Variants in EPHA10 observed in about 807,000 individuals in gnomAD.
EPHA10 encodes the protein EPH receptor A10, also known as ephrin type-A receptor 10.
Under a neutral mutation model 109.7 loss-of-function variants are expected in EPHA10, and 120 were observed. The observed-to-expected ratio is 1.09, with a 90% confidence interval of 0.94 to 1.27. The LOEUF (loss-of-function observed/expected upper bound fraction) is 1.27, where lower values mean the gene tolerates loss of function less well. EPHA10 is among the 50% of genes most tolerant of loss of function. The probability of loss-of-function intolerance (pLI) is 0.00; values close to 1 mark genes in which losing one functional copy is unlikely to be tolerated. For synonymous variants in EPHA10, 640 were observed against 618.9 expected (o/e 1.03, Z -0.51); for missense variants, 1,396 against 1,411.1 (o/e 0.99, Z 0.17).
At chr1:37,759,981 GC>G in intron 3 of EPHA10, among the ~76,000 whole-genome samples, 1 of 152,246 alleles carries the variant, frequency 6.6e-6, no homozygotes, top group East Asian at 1.9e-4. Flanking sequence ...TACAATTTCC[GC>G]AGGGAGGAGA....
chr1:37,730,592 T>C (rs1569669454), intron 7 of EPHA10, among the ~76,000 whole-genome samples: 1 of 152,182 alleles, frequency 6.6e-6, no homozygotes, highest in East Asian at 1.9e-4. Flanking sequence ...GGAGATGTTT[T>C]CAGATGAGGA....
At chr1:37,745,804 C>T (rs543943742) in intron 5 of EPHA10, among the ~76,000 whole-genome samples, 99 of 152,206 alleles carry the variant, frequency 6.5e-4, no homozygotes, top group African/African-American at 2.3e-3. Flanking sequence ...GAGCTGAGAT[C>T]GCACCACTGC....
chr1:37,722,886 G>T, intron 10 of EPHA10, 155 bp downstream of exon 10: 1 of 1,106,100 alleles, frequency 9.0e-7, no homozygotes, highest in South Asian at 1.3e-5. Context: ...TCTGGGTGGA[G>T]GGTGGGCTTG....
At chr1:37,719,868 G>C (rs1022138183) in intron 14 of EPHA10, 41 bp downstream of exon 14, 1 of 1,613,708 alleles carries the variant, frequency 6.2e-7, no homozygotes, top group Non-Finnish European at 8.5e-7. Flanking sequence ...CCTGAGCTGA[G>C]AGGGTCAGAA....
In EPHA10 at chr1:37,716,151, G is replaced by A; in HGVS notation, c.*2221C>T. The A allele has an allele frequency of 2.4e-6, 1 of 423,798 alleles. No homozygotes were observed. The highest frequency in any genetic ancestry group is 4.2e-5 in the East Asian group (1 of 23,630). The allele number at this position is 423,798 out of a possible 1,614,324, so 26.3% of individuals were successfully genotyped here. A position where few individuals can be genotyped will look rare whatever the true frequency, so the allele number is the denominator to read the frequency against. Reference sequence around the variant, plus strand: ...AGTTCCATATAAAAATAGATCTGTAGAGGGTTCCCAGAGAGCCATCGCCCC... The same window carrying A: ...AGTTCCATATAAAAATAGATCTGTAAAGGGTTCCCAGAGAGCCATCGCCCC... On this transcript the variant is annotated 3_prime_UTR_variant, in exon 17 of 17. Transcript: ENST00000373048.
chr1:37,753,898 C>A, intron 4 of EPHA10, among the ~76,000 whole-genome samples: 1 of 152,056 alleles, frequency 6.6e-6, no homozygotes, highest in East Asian at 1.9e-4. Flanking sequence ...GGGAGCCCCC[C>A]TTTCGGCTGG....
intron 8 of EPHA10, 54 bp from the exon 9 acceptor site, chr1:37,723,426 T>A: frequency 6.3e-7 from 1 of 1,595,664 alleles, no homozygotes; most frequent in Non-Finnish European, 8.6e-7. Context: ...GCCCTTCCCA[T>A]TACAGAGCAC....
chr1:37,752,945 C>A lies in EPHA10; in HGVS notation c.1288G>T (p.Gly430Cys). The change falls in exon 5 of 17, where the codon GGC becomes TGC. Residue 430 changes from glycine (G) to cysteine (C), a missense_variant. By Grantham distance (159) the Gly-to-Cys change is radical. Transcript: ENST00000373048. The part of the protein sequence containing the change: ...RYTVRVAALN[G>C]VSGPAAAAGT... ...GCGGCGGCCGCCGGGCCCGAGACGCCGTTGAGCGCGGCCACGCGCACGGTG... is the reference window on the plus strand; with the variant it reads ...GCGGCGGCCGCCGGGCCCGAGACGCAGTTGAGCGCGGCCACGCGCACGGTG... 3.8e-6 allele frequency: 5 copies of A among 1,300,548 alleles called. No individual in the cohort carries two copies. The highest frequency in any genetic ancestry group is 4.9e-6 in the Non-Finnish European group (5 of 1,027,394). 80.6% of individuals were successfully genotyped at this position (1,300,548 alleles called of 1,614,324 possible). A position where few individuals can be genotyped will look rare whatever the true frequency, so the allele number is the denominator to read the frequency against.
chr1:37,753,057 GC>G lies in EPHA10; in HGVS notation c.1175del (p.Cys392SerfsTer116). On this transcript the variant is annotated frameshift_variant, in exon 5 of 17. Coordinates refer to ENST00000373048, the MANE Select transcript of EPHA10 (RefSeq NM_001099439.2). LOFTEE classifies it high-confidence loss of function. Reference protein sequence around the residue: ...REGPAGACEPCGPRVAFLPRQ... With the variant: ...REGPAGACEPXGPRVAFLPRQ... ...GCGGTAGGAAGGCCACGCGCGGCCC[GC>G]ACGGCTCGCAGGCGCCCGCCGGGCC... is the stretch of plus-strand genomic sequence containing the variant. The G allele has an allele frequency of 8.0e-7, 1 of 1,257,068 alleles. No homozygotes were observed. Among genetic ancestry groups the G allele is most frequent in the South Asian group, 2.6e-5 (1 of 38,992 alleles). 77.9% of individuals were successfully genotyped at this position (1,257,068 alleles called of 1,614,324 possible).
chr1:37,727,310 G>T, intron 7 of EPHA10, 100 bp from the exon 8 acceptor site: 1 of 912,200 alleles, frequency 1.1e-6, no homozygotes, highest in Non-Finnish European at 1.6e-6. Flanking sequence ...GATTCCCATA[G>T]CACCTCTGCA....
chr1:37,716,130 C>T lies in EPHA10; in HGVS notation c.*2242G>A, dbSNP rs1194166848. On this transcript the variant is annotated 3_prime_UTR_variant, in exon 17 of 17. Transcript: ENST00000373048. ...GCCACCTCTGTCCAGTGAACAAGTT[C>T]CATATAAAAATAGATCTGTAGAGGG... The T allele has an allele frequency of 1.4e-5, 6 of 435,060 alleles. No homozygotes were observed. Among genetic ancestry groups the T allele is most frequent in the Admixed American group, 3.6e-5 (1 of 27,920 alleles). The allele number at this position is 435,060 out of a possible 1,614,324, so 26.9% of individuals were successfully genotyped here.
At chr1:37,736,477 A>C (rs1270163878) in intron 5 of EPHA10, among the ~76,000 whole-genome samples, 5 of 33,366 alleles carry the variant, frequency 1.5e-4, no homozygotes, top group African/African-American at 5.5e-4. Context: ...ATTCTGTCTC[A>C]AAAAAAAAAA....
rs549052875 is a variant in EPHA10 at position 37,718,392 on chromosome 1, C to T, written c.3007G>A (p.Gly1003Ser). Residue 1003 changes from glycine (G) to serine (S), a missense_variant, in exon 17 of 17, where the codon GGC becomes AGC. Gly to Ser is a moderately conservative substitution (Grantham distance 56). Coordinates refer to ENST00000373048, the MANE Select transcript of EPHA10 (RefSeq NM_001099439.2). The stretch of plus-strand genomic sequence containing the variant: ...TCCACTCACACCTGCACCCCCTGGC[C>T]CTGCAGCTGGAGCACTCGTGCCTGC... Reference protein sequence around the residue: ...ALQARVLQLQGQGVQV With the variant: ...ALQARVLQLQSQGVQV 1 of 1,611,538 alleles carries T rather than the reference C, an allele frequency of 6.2e-7. No individual in the cohort carries two copies. Among genetic ancestry groups the T allele is most frequent in the South Asian group, 1.1e-5 (1 of 90,826 alleles).
chr1:37,719,333 G>T, intron 15 of EPHA10, 81 bp downstream of exon 15: 2 of 1,481,762 alleles, frequency 1.3e-6, no homozygotes, highest in South Asian at 1.3e-5. Flanking sequence ...GGGTGGTGGA[G>T]GCGGTGGGTT....
chr1:37,728,844 G>C, intron 7 of EPHA10, among the ~76,000 whole-genome samples: 1 of 152,174 alleles, frequency 6.6e-6, no homozygotes, highest in Admixed American at 6.5e-5. Flanking sequence ...GGTGGGGATA[G>C]AGGGGAATAG....
intron 10 of EPHA10, chr1:37,722,440 T>A (rs1645813719): frequency 4.0e-6 from 1 of 247,544 alleles, no homozygotes; most frequent in African/African-American, 2.3e-5. Flanking sequence ...TGTCAGGGGA[T>A]AATGTCAGGC....
At chr1:37,742,348 G>A (rs868786239) in intron 5 of EPHA10, among the ~76,000 whole-genome samples, 3 of 152,220 alleles carry the variant, frequency 2.0e-5, no homozygotes, top group African/African-American at 7.2e-5. Context: ...ACATTTGTGT[G>A]CACTCATTCC....
intron 5 of EPHA10, among the ~76,000 whole-genome samples, chr1:37,745,841 C>T (rs1056333946): frequency 6.6e-6 from 1 of 152,064 alleles, no homozygotes; most frequent in African/African-American, 2.4e-5. Flanking sequence ...CAGAGGAAGA[C>T]TGTCTCAAAA....
intron 3 of EPHA10, chr1:37,756,587 C>G (rs1193626655): frequency 1.3e-5 from 2 of 152,472 alleles, no homozygotes; most frequent in East Asian, 3.9e-4. Flanking sequence ...CCGGCAGCTT[C>G]CCCAGCAGTA....
Sources: allele counts gnomAD v4.1 joint callset (sites outside exome capture counted in the v4.1 genomes callset), GRCh38; gene constraint gnomAD v4.1.1; transcripts MANE v1.5; gene names NCBI Gene and HGNC (gene_info 2026-07-23, HGNC 2026-07-21).